The following PODXL variants were observed in gnomAD, a reference collection of about 807,000 sequenced individuals.
The protein encoded by PODXL is podocalyxin like.
PODXL carries 20 observed loss-of-function variants against 48.9 expected under a neutral mutation model. The observed-to-expected ratio is 0.41, with a 90% CI of 0.29 to 0.59. The LOEUF (loss-of-function observed/expected upper bound fraction) is 0.59, where lower values mean the gene tolerates loss of function less well. Among genes scored for constraint, PODXL ranks in the 20% least tolerant of loss-of-function variants. The probability of loss-of-function intolerance (pLI) is 0.31; values close to 1 mark genes in which losing one functional copy is unlikely to be tolerated. For missense variants in PODXL, 606 were observed against 675.1 expected (o/e 0.90, Z 1.13); for synonymous variants, 295 against 287.4 (o/e 1.03, Z -0.27).
Position 131,520,390 on chromosome 7 carries a change from C to T in PODXL, c.101-8957G>A, listed in dbSNP as rs554680708. The T allele has an allele frequency of 3.5e-5, 14 of 400,360 alleles. No homozygotes were observed. In the East Asian group the frequency reaches 4.1e-4, roughly 12 times the overall value. 24.8% of individuals were successfully genotyped at this position (400,360 alleles called of 1,614,324 possible). A position where few individuals can be genotyped will look rare whatever the true frequency, so the allele number is the denominator to read the frequency against. ...AGAATGTCCCATACCTATCCCTGTG[C>T]GGTTGTCCAGGAAACAGAATGAGGA... On this transcript the variant is annotated intron_variant, in intron 1 of 8. Transcript: ENST00000378555.
At chr7:131,508,331 G>A (rs10245224) in intron 5 of PODXL, among the ~76,000 whole-genome samples, 2,465 of 152,256 alleles carry the variant, frequency 0.016, 45 homozygotes, top group African/African-American at 0.053. Context: ...AGCACTGTTC[G>A]TCCATCAAGG....
chr7:131,540,789 T>C (rs1234395732), intron 1 of PODXL, among the ~76,000 whole-genome samples: 1 of 152,160 alleles, frequency 6.6e-6, no homozygotes, highest in Non-Finnish European at 1.5e-5. Context: ...GGGCCGAGTC[T>C]CCACTCCTGG....
chr7:131,506,170 G>A, intron 7 of PODXL, 90 bp downstream of exon 7: 2 of 1,548,380 alleles, frequency 1.3e-6, no homozygotes, highest in East Asian at 2.2e-5. Flanking sequence ...GCACATGACG[G>A]GGTTCCTCCC....
At chr7:131,540,345 C>A (rs1023952054) in intron 1 of PODXL, among the ~76,000 whole-genome samples, 1 of 152,124 alleles carries the variant, frequency 6.6e-6, no homozygotes, top group African/African-American at 2.4e-5. Flanking sequence ...CAGTGTCTGG[C>A]CTATTATGTA....
rs778371864 is a variant in PODXL, at chr7:131,509,287, A to G, written c.1023+78T>C. The G allele has an allele frequency of 3.4e-6, 4 of 1,182,282 alleles. No individual in the cohort carries two copies. In the African/African-American group the frequency reaches 4.5e-5, roughly 13 times the overall value. The allele number at this position is 1,182,282 out of a possible 1,614,324, so 73.2% of individuals were successfully genotyped here. ...AGCCAGGGGCCCTGCGTTGGAGGAA[A>G]GAACAGAAAACCTTGTCTTAAAGCC... On this transcript the variant is annotated intron_variant, in intron 4 of 8. Transcript: ENST00000378555.
intron 5 of PODXL, chr7:131,506,981 T>C (rs1252403691): frequency 6.0e-6 from 3 of 499,894 alleles, no homozygotes; most frequent in Non-Finnish European, 1.1e-5. Flanking sequence ...TGGTCTACGC[T>C]TGCACCTTTC....
intron 1 of PODXL, among the ~76,000 whole-genome samples, chr7:131,551,275 C>T (rs1034713868): frequency 5.3e-5 from 8 of 152,120 alleles, no homozygotes; most frequent in African/African-American, 1.9e-4. Flanking sequence ...CAACTTAGCC[C>T]ATGTTCCTGG....
At chr7:131,513,495 G>A (rs1272792509) in intron 1 of PODXL, among the ~76,000 whole-genome samples, 1 of 152,230 alleles carries the variant, frequency 6.6e-6, no homozygotes, top group African/African-American at 2.4e-5. Context: ...TCCGCACCCC[G>A]TGAGACTTGA....
intron 1 of PODXL, among the ~76,000 whole-genome samples, chr7:131,552,588 C>A (rs753503948): frequency 2.7e-4 from 41 of 152,202 alleles, no homozygotes; most frequent in Non-Finnish European, 5.3e-4. Context: ...CCCTCCTGGG[C>A]AGGCCACGCT....
At chr7:131,545,595 T>C (rs1798562203) in intron 1 of PODXL, among the ~76,000 whole-genome samples, 1 of 152,190 alleles carries the variant, frequency 6.6e-6, no homozygotes, top group South Asian at 2.1e-4. Context: ...GAGGAAGCTG[T>C]TCCTCTCGAT....
At chr7:131,551,307 C>T (rs980069087) in intron 1 of PODXL, among the ~76,000 whole-genome samples, 2 of 152,042 alleles carry the variant, frequency 1.3e-5, no homozygotes, top group Non-Finnish European at 2.9e-5. Context: ...GAAACCCCAC[C>T]AGCTGAGCTC....
At chr7:131,524,555 G>C (rs1798150220) in intron 1 of PODXL, among the ~76,000 whole-genome samples, 1 of 152,036 alleles carries the variant, frequency 6.6e-6, no homozygotes, top group Non-Finnish European at 1.5e-5. Context: ...TCAAATTCAA[G>C]CTCCAATGCA....
At chr7:131,515,395 T>C (rs1490923385) in intron 1 of PODXL, among the ~76,000 whole-genome samples, 1 of 152,038 alleles carries the variant, frequency 6.6e-6, no homozygotes, top group African/African-American at 2.4e-5. Context: ...TATGTGAAAA[T>C]AGGACCTAGA....
At chr7:131,553,193 C>T (rs768721038) in intron 1 of PODXL, among the ~76,000 whole-genome samples, 4 of 152,150 alleles carry the variant, frequency 2.6e-5, no homozygotes, top group African/African-American at 9.7e-5. Context: ...CTGCATCTCC[C>T]CTACACACTA....
chr7:131,501,298 A>G lies in PODXL; in HGVS notation c.*3013T>C, dbSNP rs1161249908. On this transcript the variant is annotated 3_prime_UTR_variant, in exon 9 of 9. Transcript: ENST00000378555. Reference sequence around the variant, plus strand: ...CATAATGCTTTTTCAAAGTATGTTCACTTAAAGCAGTGCAGGGTAGGTTAA... The same window carrying G: ...CATAATGCTTTTTCAAAGTATGTTCGCTTAAAGCAGTGCAGGGTAGGTTAA... The G allele has an allele frequency of 6.6e-6, 1 of 152,640 alleles. No homozygotes were observed. Among genetic ancestry groups the G allele is most frequent in the Admixed American group, 6.5e-5 (1 of 15,288 alleles). The allele number at this position is 152,640 out of a possible 1,614,324, so 9.5% of individuals were successfully genotyped here. A position where few individuals can be genotyped will look rare whatever the true frequency, so the allele number is the denominator to read the frequency against.
intron 1 of PODXL, among the ~76,000 whole-genome samples, chr7:131,514,957 C>A (rs1045501165): frequency 1.3e-5 from 2 of 152,152 alleles, no homozygotes; most frequent in Admixed American, 1.3e-4. Flanking sequence ...CAGGATTTGT[C>A]AACTCTGAAA....
intron 1 of PODXL, among the ~76,000 whole-genome samples, chr7:131,523,291 C>A (rs948648190): frequency 3.9e-5 from 6 of 152,154 alleles, no homozygotes; most frequent in African/African-American, 1.4e-4. Flanking sequence ...TCCAACACTA[C>A]ATAGAAAGGA....
intron 1 of PODXL, 87 bp downstream of exon 1, chr7:131,556,173 G>T: frequency 7.4e-7 from 1 of 1,345,290 alleles, no homozygotes; most frequent in Non-Finnish European, 9.5e-7. Context: ...CGGACCACGC[G>T]GCGCGCCGGG....
At position 131,525,360 on chromosome 7, in the gene PODXL, G is replaced by A. The variant is rs1363706846; in HGVS notation, c.101-13927C>T. On this transcript the variant is annotated intron_variant, in intron 1 of 8. Coordinates refer to ENST00000378555, the MANE Select transcript of PODXL (RefSeq NM_001018111.3). ...TCCCAGCACTTTGGGAGGCCGAGGC[G>A]GACAGATCACCTGAGGTCAGGAGTT... Among the ~76,000 whole-genome samples, 9 of 139,588 alleles carry A rather than the reference G, an allele frequency of 6.4e-5. No individual in the cohort carries two copies. The East Asian group carries it at 1.5e-3, about 23-fold the overall frequency. The allele number at this position is 139,588 out of a possible 152,430, so 91.6% of individuals were successfully genotyped here.
Sources: gnomAD v4.1 joint callset for allele counts (sites outside exome capture counted in the v4.1 genomes callset) on GRCh38, gnomAD v4.1.1 for gene constraint, MANE v1.5 for transcripts, NCBI Gene and HGNC (gene_info 2026-07-23, HGNC 2026-07-21) for gene names.